The following CLEC16A variants were observed in gnomAD, a reference collection of about 807,000 sequenced individuals.
CLEC16A encodes the protein protein CLEC16A.
Under a neutral mutation model 109.5 loss-of-function variants are expected in CLEC16A, and 51 were observed. The observed-to-expected ratio is 0.47, with a 90% CI of 0.37 to 0.59. The LOEUF (loss-of-function observed/expected upper bound fraction) is 0.59, where lower values mean the gene tolerates loss of function less well. Among genes scored for constraint, CLEC16A ranks in the 20% least tolerant of loss-of-function variants. The probability of loss-of-function intolerance (pLI) is 0.00; values close to 1 mark genes in which losing one functional copy is unlikely to be tolerated. For synonymous variants in CLEC16A, 673 were observed against 564.2 expected (o/e 1.19, Z -2.73); for missense variants, 1,339 against 1,394.0 (o/e 0.96, Z 0.63).
intron 10 of CLEC16A, among the ~76,000 whole-genome samples, chr16:10,992,393 T>C (rs1046302418): frequency 6.6e-6 from 1 of 152,042 alleles, no homozygotes; most frequent in Non-Finnish European, 1.5e-5. Context: ...GACAGAGTTT[T>C]GAATGTTCTC....
chr16:11,004,304 C>A (rs1044708091), intron 11 of CLEC16A, among the ~76,000 whole-genome samples: 1 of 152,152 alleles, frequency 6.6e-6, no homozygotes, highest in African/African-American at 2.4e-5. Flanking sequence ...CTCTGCCCGT[C>A]GTCCTGGGCA....
intron 1 of CLEC16A, among the ~76,000 whole-genome samples, chr16:10,956,122 C>G (rs1285064658): frequency 6.6e-6 from 1 of 152,190 alleles, no homozygotes; most frequent in East Asian, 1.9e-4. Flanking sequence ...GGGCCCATGC[C>G]CCCTCCCGCA....
intron 1 of CLEC16A, 122 bp downstream of exon 1, chr16:10,944,919 T>C: frequency 1.0e-6 from 1 of 970,376 alleles, no homozygotes; most frequent in Non-Finnish European, 1.5e-6. Flanking sequence ...GAAGCCCGTG[T>C]GGTGGTTAAG....
Position 11,166,452 on chromosome 16 carries a change from C to A in CLEC16A, c.2706C>A (p.Pro902=). 6.2e-7 allele frequency: 1 copy of A among 1,607,808 alleles called. No individual in the cohort carries two copies. The highest frequency in any genetic ancestry group is 8.5e-7 in the Non-Finnish European group (1 of 1,179,796). ...SSPSLSSQSP[P]SASGSPSGSG... ...CGTCCCTGTCCTCACAGTCGCCACC[C>A]TCCGCCAGCGGGAGCCCCAGCGGCA... The change falls in exon 23 of 24, where the codon CCC becomes CCA. Residue 902 remains proline, a synonymous_variant. Coordinates refer to ENST00000409790, the MANE Select transcript of CLEC16A (RefSeq NM_015226.3).
chr16:11,061,694 G>T (rs948710063), intron 19 of CLEC16A, among the ~76,000 whole-genome samples: 1 of 152,162 alleles, frequency 6.6e-6, no homozygotes, highest in Non-Finnish European at 1.5e-5. Context: ...TTTCTTAACG[G>T]CATTGTGGTA....
intron 19 of CLEC16A, among the ~76,000 whole-genome samples, chr16:11,079,793 C>A (rs1352381747): frequency 6.6e-6 from 1 of 152,212 alleles, no homozygotes. Context: ...GGTTTGCATT[C>A]TTCAGAGCAG....
chr16:11,140,370 G>A lies in CLEC16A; in HGVS notation c.2641+14224G>A, dbSNP rs780197738. Among the ~76,000 whole-genome samples the A allele has an allele frequency of 7.9e-5, 12 of 152,172 alleles. 1 individual carries two copies. The highest frequency in any genetic ancestry group is 3.8e-4 in the East Asian group (2 of 5,204). ...CCCCCACCACCGCTCTTAGTAACCC[G>A]GAAAATGCTCTGAAATAGTTGACAT... On this transcript the variant is annotated intron_variant, in intron 22 of 23. Transcript: ENST00000409790.
intron 19 of CLEC16A, among the ~76,000 whole-genome samples, chr16:11,063,785 G>A (rs577650085): frequency 6.6e-6 from 1 of 152,220 alleles, no homozygotes; most frequent in East Asian, 1.9e-4. Flanking sequence ...CAGCAAAGAG[G>A]CAAACTGGTC....
intron 12 of CLEC16A, 148 bp downstream of exon 12, chr16:11,020,473 C>A: frequency 2.9e-6 from 3 of 1,032,052 alleles, no homozygotes; most frequent in South Asian, 1.8e-5. Flanking sequence ...CCAGCTCTGG[C>A]CACCCAGAAG....
chr16:10,978,242 T>C (rs1428464530), intron 8 of CLEC16A, among the ~76,000 whole-genome samples: 8 of 152,036 alleles, frequency 5.3e-5, no homozygotes, highest in South Asian at 2.1e-4. Flanking sequence ...ATCCCTCAGG[T>C]GATTCTGATT....
intron 19 of CLEC16A, among the ~76,000 whole-genome samples, chr16:11,103,050 G>C (rs2051011629): frequency 6.6e-6 from 1 of 152,232 alleles, no homozygotes; most frequent in South Asian, 2.1e-4. Context: ...GACAGACACA[G>C]AGGGAGGGCC....
At chr16:11,158,267 G>A (rs999428319) in intron 22 of CLEC16A, among the ~76,000 whole-genome samples, 5 of 152,200 alleles carry the variant, frequency 3.3e-5, no homozygotes, top group Admixed American at 2.6e-4. Context: ...CCACAGCCTC[G>A]GAATGAATTT....
At chr16:11,063,115 CA>C (rs1175720062) in intron 19 of CLEC16A, among the ~76,000 whole-genome samples, 4 of 151,958 alleles carry the variant, frequency 2.6e-5, no homozygotes, top group African/African-American at 9.7e-5. Context: ...GGTAGTTGGC[CA>C]TTAAGAAAGT....
chr16:11,068,498 C>T (rs1445355873), intron 19 of CLEC16A, among the ~76,000 whole-genome samples: 1 of 152,232 alleles, frequency 6.6e-6, no homozygotes, highest in Non-Finnish European at 1.5e-5. Flanking sequence ...CTGCTAGAGT[C>T]TCTGCTGAAC....
chr16:11,019,912 A>G (rs781558951), intron 11 of CLEC16A, among the ~76,000 whole-genome samples: 4 of 152,178 alleles, frequency 2.6e-5, no homozygotes, highest in Non-Finnish European at 5.9e-5. Context: ...AAAAAAGACG[A>G]TTTTAAACTC....
chr16:11,092,874 A>T (rs1180243200), intron 19 of CLEC16A, among the ~76,000 whole-genome samples: 2 of 152,222 alleles, frequency 1.3e-5, no homozygotes, highest in Non-Finnish European at 2.9e-5. Context: ...CGTTTGATCC[A>T]TAATAGAATC....
chr16:10,944,784 T>G lies in CLEC16A; in HGVS notation c.67T>G (p.Leu23Val). ...HGKTSRNIHS[L>V]DHLKYLYHVL... Reference sequence around the variant, plus strand: ...CAAGACTTCCCGCAACATCCACTCCTTGGACCACCTCAAGTGAGTGTGGGG... The same window carrying G: ...CAAGACTTCCCGCAACATCCACTCCGTGGACCACCTCAAGTGAGTGTGGGG... Residue 23 changes from leucine (L) to valine (V), a missense_variant, in exon 1 of 24, where the codon TTG (leucine) becomes GTG (valine). Physicochemically the swap from Leu to Val is conservative, Grantham distance 32 (BLOSUM62 1). Transcript: ENST00000409790. 2 of 1,608,970 alleles carry G rather than the reference T, an allele frequency of 1.2e-6. No individual in the cohort carries two copies. The highest frequency in any genetic ancestry group is 1.7e-6 in the Non-Finnish European group (2 of 1,178,316).
chr16:11,180,697 G>A lies in CLEC16A; in HGVS notation c.*2007G>A, dbSNP rs2068929067. 6.6e-6 allele frequency: 1 copy of A among 152,388 alleles called. No individual in the cohort carries two copies. Among genetic ancestry groups the A allele is most frequent in the East Asian group, 1.9e-4 (1 of 5,186 alleles). The allele number at this position is 152,388 out of a possible 1,614,324, so 9.4% of individuals were successfully genotyped here. Reference sequence around the variant, plus strand: ...TGTCTGTGGGGCAGCAGAAACTAGAGAAGGCAAGTGGCTGCCCCACCCCAA... The same window carrying A: ...TGTCTGTGGGGCAGCAGAAACTAGAAAAGGCAAGTGGCTGCCCCACCCCAA... On this transcript the variant is annotated 3_prime_UTR_variant, in exon 24 of 24. Coordinates refer to ENST00000409790, the MANE Select transcript of CLEC16A (RefSeq NM_015226.3).
intron 11 of CLEC16A, among the ~76,000 whole-genome samples, chr16:11,018,294 A>G (rs1349298409): frequency 6.6e-6 from 1 of 151,794 alleles, no homozygotes; most frequent in Admixed American, 6.6e-5. Context: ...AAAAAGAAAA[A>G]AAAAAAAAAA....
Sources: gnomAD v4.1 joint callset for allele counts (sites outside exome capture counted in the v4.1 genomes callset) on GRCh38, gnomAD v4.1.1 for gene constraint, MANE v1.5 for transcripts, NCBI Gene and HGNC (gene_info 2026-07-23, HGNC 2026-07-21) for gene names.